Variants in PTRH1 observed in about 807,000 individuals in gnomAD.
PTRH1 encodes the protein peptidyl-tRNA hydrolase.
PTRH1 carries 13 observed loss-of-function variants against 15.7 expected under a neutral mutation model. The observed-to-expected ratio is 0.83, with a 90% CI of 0.54 to 1.31. The LOEUF is 1.31. Among genes scored for constraint, PTRH1 ranks in the 40% most tolerant of loss-of-function variants. The pLI is 0.00. For missense variants in PTRH1, 319 were observed against 296.2 expected, an observed-to-expected ratio of 1.08 and a Z score of -0.56; for synonymous variants, 139 against 136.7, an observed-to-expected ratio of 1.02 and a Z score of -0.12.
intron 1 of PTRH1, among the ~76,000 whole-genome samples, chr9:127,703,654 A>C (rs899885326): frequency 3.3e-5 from 5 of 152,060 alleles, no homozygotes; most frequent in Non-Finnish European, 7.4e-5. Flanking sequence ...CCAAAGCAAA[A>C]ACCCACGTGC....
intron 1 of PTRH1, among the ~76,000 whole-genome samples, chr9:127,706,117 G>A (rs1273136710): frequency 1.3e-5 from 2 of 152,230 alleles, no homozygotes; most frequent in Non-Finnish European, 2.9e-5. Context: ...ACAGAGCAGG[G>A]TTCAGGCCAT....
At chr9:127,712,943 G>T, downstream of PTRH1, 1 of 1,590,246 alleles carries the variant, frequency 6.3e-7, no homozygotes, top group East Asian at 2.3e-5. Context: ...TTCAGCCATG[G>T]GGACAGTGCT....
chr9:127,711,268 CAATGAG>C, downstream of PTRH1: 1 of 1,614,146 alleles, frequency 6.2e-7, no homozygotes, highest in Non-Finnish European at 8.5e-7. Flanking sequence ...ACCTCGTGGC[CAATGAG>C]TTCCACAAGG....
At chr9:127,709,245 G>C (rs573362762), downstream of PTRH1, among the ~76,000 whole-genome samples, 14 of 152,322 alleles carry the variant, frequency 9.2e-5, no homozygotes, top group African/African-American at 3.4e-4. This position sits in a 1 kb window ranked among gnomAD's most constrained non-coding sequence, Gnocchi z 4.7. Flanking sequence ...ACAGGCATTG[G>C]CTGTGGTCAT....
intron 1 of PTRH1, among the ~76,000 whole-genome samples, chr9:127,697,742 G>T (rs948753978): frequency 2.0e-5 from 3 of 152,228 alleles, no homozygotes; most frequent in African/African-American, 7.2e-5. Flanking sequence ...CAGACTATGT[G>T]GAAGGACACT....
At chr9:127,709,273 G>A (rs955048556), downstream of PTRH1, 10 of 747,466 alleles carry the variant, frequency 1.3e-5, no homozygotes, top group African/African-American at 1.8e-4. This position sits in a 1 kb window ranked among gnomAD's most constrained non-coding sequence, Gnocchi z 4.7. Context: ...GGACCAAGGG[G>A]CATAGTGGGA....
In PTRH1 at chr9:127,714,626, A is replaced by C; in HGVS notation, c.393T>G (p.Ala131=). The C allele has an allele frequency of 6.2e-7, 1 of 1,613,972 alleles. No homozygotes were observed. The highest frequency in any genetic ancestry group is 8.5e-7 in the Non-Finnish European group (1 of 1,179,938). ...ACCTGGCACTGCCCCCCAGCTTCAG[A>C]GCCAGTCTCCCCAGGGGCTTGTCCA... ...DELDKPLGRL[A]LKLGGSARGH... Residue 131 remains alanine (A), a synonymous_variant, in exon 3 of 5, where the codon GCT becomes GCG. Coordinates refer to ENST00000543175, the MANE Select transcript of PTRH1 (RefSeq NM_001002913.3).
At chr9:127,707,061 A>G in intron 1 of PTRH1, 1 of 1,613,988 alleles carries the variant, frequency 6.2e-7, no homozygotes, top group East Asian at 2.2e-5. Flanking sequence ...TGAGCAAGGC[A>G]GGCAAGGAGC....
downstream of PTRH1, chr9:127,713,803 G>A (rs758845845): frequency 9.4e-6 from 15 of 1,600,222 alleles, no homozygotes; most frequent in Admixed American, 3.3e-5. Flanking sequence ...CACTGCACCC[G>A]GCCTCCAAGC....
At chr9:127,714,532 C>A in intron 3 of PTRH1, 71 bp downstream of exon 3, 1 of 1,590,858 alleles carries the variant, frequency 6.3e-7, no homozygotes, top group South Asian at 1.1e-5. Flanking sequence ...GAGACTGGGT[C>A]AGCAGCCCTA....
rs1842642977 is a variant in PTRH1, at chr9:127,705,950, AG to A, written c.205+9484del. On this transcript the variant is annotated intron_variant, in intron 1 of 2. Coordinates refer to the PTRH1 transcript ENST00000335223. This position sits in a 1 kb window ranked among gnomAD's most constrained non-coding sequence, Gnocchi z 4.7. Reference sequence around the variant, plus strand: ...CACCCTGGGAAGGGCAGACCACCACAGGCGAGGTCCAGGGCTGTCGGAAATT... The same window carrying A: ...CACCCTGGGAAGGGCAGACCACCACAGCGAGGTCCAGGGCTGTCGGAAATT... Among the ~76,000 whole-genome samples the A allele has an allele frequency of 6.6e-6, 1 of 152,226 alleles. No homozygotes were observed. Among genetic ancestry groups the A allele is most frequent in the South Asian group, 2.1e-4 (1 of 4,834 alleles).
chr9:127,709,429 C>T (rs147547262), downstream of PTRH1: 40 of 1,613,156 alleles, frequency 2.5e-5, no homozygotes, highest in Middle Eastern at 1.7e-4. The surrounding 1 kb of genome is among the most constrained non-coding windows in gnomAD (Gnocchi z 4.7). Flanking sequence ...CAGGTACCAG[C>T]GGAAGTGGGA....
intron 1 of PTRH1, among the ~76,000 whole-genome samples, chr9:127,702,622 T>C (rs115403534): frequency 1.5e-3 from 229 of 152,236 alleles, no homozygotes; most frequent in African/African-American, 5.3e-3. Context: ...ACCACAACCA[T>C]TTGTTGCGAA....
chr9:127,712,828 T>C (rs370352312), downstream of PTRH1: 48 of 1,613,736 alleles, frequency 3.0e-5, no homozygotes, highest in Non-Finnish European at 4.1e-5. Flanking sequence ...CTCAGAAGGC[T>C]GCGTGTCCCC....
chr9:127,711,334 C>A (rs1182574510), downstream of PTRH1: 1 of 1,614,202 alleles, frequency 6.2e-7, no homozygotes, highest in Non-Finnish European at 8.5e-7. Context: ...TCAAAGAGAA[C>A]AACGGCATTA....
chr9:127,711,532 T>C, downstream of PTRH1: 1 of 1,597,338 alleles, frequency 6.3e-7, no homozygotes. Flanking sequence ...GCATTTGGCA[T>C]GCAAGGCAGG....
At chr9:127,707,441 C>T (rs976203795) in intron 1 of PTRH1, among the ~76,000 whole-genome samples, 3 of 152,136 alleles carry the variant, frequency 2.0e-5, no homozygotes, top group Non-Finnish European at 4.4e-5. Flanking sequence ...TAGCTCGTGG[C>T]CCCACCCCAG....
intron 1 of PTRH1, chr9:127,706,932 C>T: frequency 2.8e-6 from 4 of 1,445,916 alleles, no homozygotes; most frequent in Non-Finnish European, 3.8e-6. Context: ...TCCCTTTAAG[C>T]CCAGCCTCAC....
In PTRH1 at chr9:127,715,544, C is replaced by T; in HGVS notation, c.96G>A (p.Met32Ile). The T allele has an allele frequency of 6.2e-7, 1 of 1,613,518 alleles. No individual in the cohort carries two copies. The highest frequency in any genetic ancestry group is 8.5e-7 in the Non-Finnish European group (1 of 1,180,046). The change falls in exon 1 of 5, where the codon ATG becomes ATA. Residue 32 changes from methionine (M) to isoleucine (I), a missense_variant and splice_region_variant. By Grantham distance (10) the Met-to-Ile change is conservative. Coordinates refer to ENST00000543175, the MANE Select transcript of PTRH1 (RefSeq NM_001002913.3). This position sits in a 1 kb window ranked among gnomAD's most constrained non-coding sequence, Gnocchi z 5.8. Reference sequence around the variant, plus strand: ...TACGTCGCCGCCCCACGCCACTCACCATCCACCGCTTCCCCGGGGGGCGAG... The same window carrying T: ...TACGTCGCCGCCCCACGCCACTCACTATCCACCGCTTCCCCGGGGGGCGAG... ...LEPRPPGKRW[M>I]VAGLGNPGLP...
Sources: gnomAD v4.1 joint callset for allele counts (sites outside exome capture counted in the v4.1 genomes callset) on GRCh38, gnomAD v4.1.1 for gene constraint, Gnocchi (gnomAD v3.1) non-coding constraint, MANE v1.5 for transcripts, NCBI Gene and HGNC (gene_info 2026-07-23, HGNC 2026-07-21) for gene names.